Variants in TADA2A observed in about 807,000 individuals in gnomAD.
TADA2A encodes transcriptional adaptor 2A.
In TADA2A, 38 loss-of-function variants were observed where a neutral mutation model predicts 67.4. The observed-to-expected ratio is 0.56, with a 90% CI of 0.44 to 0.74. The LOEUF is 0.74. TADA2A is among the 30% of genes least tolerant of loss of function. The pLI, the probability that TADA2A is intolerant of heterozygous loss-of-function variation, is 0.00. For missense variants in TADA2A, 454 were observed against 547.0 expected, an observed-to-expected ratio of 0.83 and a Z score of 1.70; for synonymous variants, 192 against 181.6, an observed-to-expected ratio of 1.06 and a Z score of -0.46.
At chr17:37,470,669 T>A in intron 13 of TADA2A, 137 bp downstream of exon 13, 1 of 986,466 alleles carries the variant, frequency 1.0e-6, no homozygotes, top group South Asian at 2.1e-5. Flanking sequence ...TAGCAGTCCA[T>A]CTCAGAAACA....
rs2053765296 is a variant in TADA2A, at chr17:37,470,577, C to T, written c.1028+45C>T. 3.4e-6 allele frequency: 5 copies of T among 1,472,390 alleles called. No homozygotes were observed. The Admixed American group carries it at 1.3e-4, about 37-fold the overall frequency. 91.2% of individuals were successfully genotyped at this position (1,472,390 alleles called of 1,614,324 possible). On this transcript the variant is annotated intron_variant, in intron 13 of 15. Transcript: ENST00000615182. ...TGAAGGAGGCATTCTTTCTGGGATG[C>T]CTTGGCCTTCACATATATTTTTGGG...
chr17:37,442,115 T>C (rs923263289), intron 6 of TADA2A, among the ~76,000 whole-genome samples: 2 of 151,898 alleles, frequency 1.3e-5, no homozygotes, highest in Non-Finnish European at 1.5e-5. Flanking sequence ...GGTTAGTTTG[T>C]GCAGGGTCAT....
chr17:37,433,362 G>C (rs2052627673), intron 4 of TADA2A, among the ~76,000 whole-genome samples: 1 of 152,080 alleles, frequency 6.6e-6, no homozygotes, highest in Non-Finnish European at 1.5e-5. Context: ...TGTCAAAATT[G>C]AGAAATGAAC....
At chr17:37,450,299 AAATAGTG>A (rs1222686592) in intron 8 of TADA2A, among the ~76,000 whole-genome samples, 1 of 152,098 alleles carries the variant, frequency 6.6e-6, no homozygotes, top group Non-Finnish European at 1.5e-5. Context: ...GAAATGACTT[AAATAGTG>A]TTGCTTCTGG....
chr17:37,452,616 A>T (rs1291353852), intron 8 of TADA2A, among the ~76,000 whole-genome samples: 2 of 152,194 alleles, frequency 1.3e-5, no homozygotes, highest in African/African-American at 4.8e-5. Flanking sequence ...ATAGGCTTGT[A>T]AAGTGCATCT....
At chr17:37,434,823 T>A (rs2052673513) in intron 4 of TADA2A, among the ~76,000 whole-genome samples, 1 of 152,226 alleles carries the variant, frequency 6.6e-6, no homozygotes, top group Non-Finnish European at 1.5e-5. Flanking sequence ...TCTACATATT[T>A]AAATATTTGA....
intron 7 of TADA2A, among the ~76,000 whole-genome samples, chr17:37,443,610 G>T (rs1478518568): frequency 6.6e-6 from 1 of 152,128 alleles, no homozygotes; most frequent in Non-Finnish European, 1.5e-5. Context: ...TGTATCAGGG[G>T]TTGACAAACT....
At chr17:37,431,062 A>G (rs2052552874) in intron 4 of TADA2A, among the ~76,000 whole-genome samples, 1 of 151,722 alleles carries the variant, frequency 6.6e-6, no homozygotes, top group African/African-American at 2.4e-5. Context: ...TTTTTTTGTC[A>G]TTAACAAAAG....
At chr17:37,453,759 ATTTTTTTTTTTTTTT>A (rs143096066) in intron 8 of TADA2A, among the ~76,000 whole-genome samples, 1 of 69,068 alleles carries the variant, frequency 1.4e-5, no homozygotes, top group African/African-American at 7.0e-5. Context: ...GAAATAACTG[ATTTTTTTTTTTTTTT>A]TTTTTTTTTT....
intron 2 of TADA2A, among the ~76,000 whole-genome samples, chr17:37,412,218 G>GAAAAAAA (rs58185039): frequency 2.8e-5 from 3 of 106,658 alleles, no homozygotes; most frequent in Non-Finnish European, 4.1e-5. Flanking sequence ...CTCAAAAAAA[G>GAAAAAAA]AAAAAAAAAA....
chr17:37,476,718 A>T (rs960318973), intron 15 of TADA2A, 79 bp from the exon 16 acceptor site: 2 of 1,517,240 alleles, frequency 1.3e-6, no homozygotes, highest in African/African-American at 2.8e-5. Flanking sequence ...TCACTTTAAA[A>T]AATTTTTTGC....
At chr17:37,409,771 A>AAC (rs1555678640) in intron 1 of TADA2A, among the ~76,000 whole-genome samples, 3 of 143,308 alleles carry the variant, frequency 2.1e-5, no homozygotes, top group Non-Finnish European at 4.7e-5. Context: ...TAGTCTCAAA[A>AAC]AAAAACAAAA....
intron 10 of TADA2A, among the ~76,000 whole-genome samples, chr17:37,463,635 C>A (rs1217796376): frequency 6.6e-6 from 1 of 151,688 alleles, no homozygotes; most frequent in Admixed American, 6.6e-5. Flanking sequence ...AAGTATGTTA[C>A]ATTTTAGGTC....
chr17:37,458,667 G>GTGTGTGTC (rs1318286316), intron 9 of TADA2A, 80 bp downstream of exon 9: 5 of 1,158,240 alleles, frequency 4.3e-6, no homozygotes, highest in East Asian at 3.0e-5. Flanking sequence ...GTGTGTGTGT[G>GTGTGTGTC]TGTGTGTCTG....
intron 6 of TADA2A, among the ~76,000 whole-genome samples, chr17:37,441,168 A>G (rs1313407712): frequency 6.6e-6 from 1 of 152,110 alleles, no homozygotes; most frequent in Non-Finnish European, 1.5e-5. Flanking sequence ...TCAGAGTTCT[A>G]TACAGGACAT....
At chr17:37,463,537 C>T (rs2053594801) in intron 10 of TADA2A, among the ~76,000 whole-genome samples, 1 of 151,934 alleles carries the variant, frequency 6.6e-6, no homozygotes, top group Non-Finnish European at 1.5e-5. Flanking sequence ...CCCAGGAGTT[C>T]AAGGCTGCAG....
chr17:37,473,127 A>T (rs2053825333), intron 14 of TADA2A, among the ~76,000 whole-genome samples: 1 of 85,676 alleles, frequency 1.2e-5, no homozygotes, highest in Non-Finnish European at 2.2e-5. Context: ...ACCTGGAGAA[A>T]TTTTTTTTTT....
chr17:37,432,196 G>A (rs58459311), intron 4 of TADA2A, among the ~76,000 whole-genome samples: 176 of 150,386 alleles, frequency 1.2e-3, no homozygotes, highest in African/African-American at 4.3e-3. Context: ...TGACAGTCTT[G>A]CTCTATTGCC....
chr17:37,470,427 A>C lies in TADA2A; in HGVS notation c.923A>C (p.Lys308Thr). 2 of 1,613,870 alleles carry C rather than the reference A, an allele frequency of 1.2e-6. No individual in the cohort carries two copies. The highest frequency in any genetic ancestry group is 1.7e-4 in the Middle Eastern group (1 of 6,058). Residue 308 changes from lysine (K) to threonine (T), a missense_variant, in exon 13 of 16, where the codon AAG becomes ACG. Physicochemically the swap from Lys to Thr is moderately conservative, Grantham distance 78. This residue lies in a region of TADA2A where 403 missense variants were observed against 455.5 expected (regional missense o/e 0.88). Transcript: ENST00000615182. Reference sequence around the variant, plus strand: ...GCCAGAACCTACGATCACCTCAAGAAGACACGGGAGGAAGAGCGCCTTAAA... The same window carrying C: ...GCCAGAACCTACGATCACCTCAAGACGACACGGGAGGAAGAGCGCCTTAAA... ...CSARTYDHLKKTREEERLKRT... is the reference protein window; with the variant it reads ...CSARTYDHLKTTREEERLKRT...
Sources: gnomAD v4.1 joint callset for allele counts (sites outside exome capture counted in the v4.1 genomes callset) on GRCh38, gnomAD v4.1.1 for gene constraint, gnomAD v4.1.1 regional missense constraint, MANE v1.5 for transcripts, NCBI Gene and HGNC (gene_info 2026-07-23, HGNC 2026-07-21) for gene names.